PRKAG2: variants seen among roughly 807,000 people sequenced by gnomAD.
PRKAG2 encodes the protein 5'-AMP-activated protein kinase subunit gamma-2.
PRKAG2 carries 26 observed loss-of-function variants against 69.6 expected under a neutral mutation model. The ratio of observed to expected loss-of-function variants is 0.37; its 90% confidence interval spans 0.27 to 0.52. The LOEUF (loss-of-function observed/expected upper bound fraction) is 0.52. PRKAG2 is among the 20% of genes least tolerant of loss of function. The pLI, the probability that PRKAG2 is intolerant of heterozygous loss-of-function variation, is 0.90. For missense variants in PRKAG2, 557 were observed against 740.0 expected (o/e 0.75, Z 2.87); for synonymous variants, 293 against 285.0 (o/e 1.03, Z -0.28).
At chr7:151,813,906 C>T (rs1450724594) in intron 1 of PRKAG2, among the ~76,000 whole-genome samples, 1 of 152,206 alleles carries the variant, frequency 6.6e-6, no homozygotes, top group Non-Finnish European at 1.5e-5. Flanking sequence ...TCCCCAAAGC[C>T]CCCACATCAT....
At position 151,780,622 on chromosome 7, in the gene PRKAG2, C is replaced by A. The variant is rs1413660575; in HGVS notation, c.466+530G>T. 1.3e-5 allele frequency among the ~76,000 whole-genome samples: 2 copies of A among 152,182 alleles called. No homozygotes were observed. Among genetic ancestry groups the A allele is most frequent in the Non-Finnish European group, 2.9e-5 (2 of 68,040 alleles). Reference sequence around the variant, plus strand: ...ACACTCACATTTCCTCCTTCCATTTCCCCAGCAAATCCCTCCTAGCTTCCA... The same window carrying A: ...ACACTCACATTTCCTCCTTCCATTTACCCAGCAAATCCCTCCTAGCTTCCA... On this transcript the variant is annotated intron_variant, in intron 3 of 15. Coordinates refer to ENST00000287878, the MANE Select transcript of PRKAG2 (RefSeq NM_016203.4). This position sits in a 1 kb window ranked among gnomAD's most constrained non-coding sequence, Gnocchi z 4.2.
At chr7:151,751,357 G>A (rs575034400) in intron 3 of PRKAG2, among the ~76,000 whole-genome samples, 34 of 151,694 alleles carry the variant, frequency 2.2e-4, no homozygotes, top group Non-Finnish European at 4.1e-4. Flanking sequence ...CTCGTGATCT[G>A]CCTGCCTCAG....
intron 3 of PRKAG2, among the ~76,000 whole-genome samples, chr7:151,765,710 G>A (rs888792931): frequency 2.6e-5 from 4 of 152,166 alleles, no homozygotes; most frequent in Non-Finnish European, 5.9e-5. Flanking sequence ...GGTCCTGGGG[G>A]TCAGGACTTC....
chr7:151,577,201 T>C (rs549605942), intron 6 of PRKAG2, among the ~76,000 whole-genome samples: 11 of 152,146 alleles, frequency 7.2e-5, no homozygotes, highest in Admixed American at 7.2e-4. Flanking sequence ...TTCCCAAGGT[T>C]GAGGAAAAAA....
At chr7:151,635,752 A>G (rs73480014) in intron 4 of PRKAG2, among the ~76,000 whole-genome samples, 1 of 152,130 alleles carries the variant, frequency 6.6e-6, no homozygotes, top group Non-Finnish European at 1.5e-5. Context: ...TGGTGACCGA[A>G]CTGTTCTACA....
chr7:151,742,902 C>T (rs1184047293), intron 3 of PRKAG2, among the ~76,000 whole-genome samples: 3 of 152,174 alleles, frequency 2.0e-5, no homozygotes, highest in African/African-American at 7.2e-5. Flanking sequence ...TTGGATCCCA[C>T]GATTAGAGAT....
At chr7:151,757,512 C>G (rs75012559) in intron 3 of PRKAG2, among the ~76,000 whole-genome samples, 2,969 of 152,304 alleles carry the variant, frequency 0.019, 54 homozygotes, top group Admixed American at 0.053. Context: ...CAACCACAAA[C>G]AGAGAAAATT....
chr7:151,611,322 A>C (rs576143607), intron 5 of PRKAG2, among the ~76,000 whole-genome samples: 1 of 152,218 alleles, frequency 6.6e-6, no homozygotes, highest in African/African-American at 2.4e-5. Flanking sequence ...TGTCCACAGA[A>C]CCACCTTCGT....
chr7:151,729,166 CAG>C (rs931932948), intron 3 of PRKAG2, among the ~76,000 whole-genome samples: 1 of 72,000 alleles, frequency 1.4e-5, no homozygotes, highest in African/African-American at 5.6e-5. Flanking sequence ...GTGGGGCGGA[CAG>C]GGGGTGGCGG....
At chr7:151,849,608 G>T (rs1235972134) in intron 1 of PRKAG2, among the ~76,000 whole-genome samples, 1 of 152,168 alleles carries the variant, frequency 6.6e-6, no homozygotes, top group Admixed American at 6.5e-5. Flanking sequence ...GGTGGGCAGG[G>T]CCGCGCCCTC....
chr7:151,591,230 C>T (rs1813052789), intron 6 of PRKAG2, among the ~76,000 whole-genome samples: 1 of 152,236 alleles, frequency 6.6e-6, no homozygotes, highest in Non-Finnish European at 1.5e-5. Flanking sequence ...TTTCTCTATA[C>T]CAATCTACAA....
intron 3 of PRKAG2, among the ~76,000 whole-genome samples, chr7:151,715,286 G>T (rs1457745488): frequency 1.7e-5 from 2 of 120,908 alleles, no homozygotes; most frequent in African/African-American, 6.6e-5. Context: ...AAAGTGCTGG[G>T]ATTACCGGCA....
intron 6 of PRKAG2, among the ~76,000 whole-genome samples, chr7:151,585,904 C>T (rs1055212389): frequency 6.6e-6 from 1 of 152,164 alleles, no homozygotes; most frequent in Admixed American, 6.5e-5. Flanking sequence ...GCGCAGGACG[C>T]GTTCCTGAGC....
chr7:151,601,785 G>A (rs557204135), intron 5 of PRKAG2, among the ~76,000 whole-genome samples: 99 of 152,234 alleles, frequency 6.5e-4, no homozygotes, highest in Non-Finnish European at 1.0e-3. Flanking sequence ...TCCACTGTGC[G>A]AGAGGCGGGG....
At position 151,567,177 on chromosome 7, in the gene PRKAG2, G is replaced by C. The variant is rs1285733859; in HGVS notation, c.1234-1292C>G. On this transcript the variant is annotated intron_variant, in intron 11 of 15. Transcript: ENST00000287878. The surrounding 1 kb of genome is among the most constrained non-coding windows in gnomAD (Gnocchi z 4.2). ...GACTGGGGGCACGTTTCCCAGCCAGGTGTCCTGTGTATGCAAGGTATGCAA... is the reference window on the plus strand; with the variant it reads ...GACTGGGGGCACGTTTCCCAGCCAGCTGTCCTGTGTATGCAAGGTATGCAA... 6.6e-6 allele frequency among the ~76,000 whole-genome samples: 1 copy of C among 152,150 alleles called. No individual in the cohort carries two copies. Among genetic ancestry groups the C allele is most frequent in the Non-Finnish European group, 1.5e-5 (1 of 68,026 alleles).
chr7:151,621,411 A>C (rs1312470154), intron 5 of PRKAG2, among the ~76,000 whole-genome samples: 1 of 152,178 alleles, frequency 6.6e-6, no homozygotes, highest in Admixed American at 6.5e-5. Context: ...GGCTGGGTGC[A>C]ATAGCTCACG....
intron 1 of PRKAG2, among the ~76,000 whole-genome samples, chr7:151,824,165 A>T (rs1325052077): frequency 2.0e-5 from 3 of 152,230 alleles, no homozygotes; most frequent in East Asian, 1.9e-4. Context: ...TCAGGGACTC[A>T]AGGGCATGCC....
chr7:151,775,831 AC>A (rs2076314817), intron 3 of PRKAG2, among the ~76,000 whole-genome samples: 1 of 151,792 alleles, frequency 6.6e-6, no homozygotes, highest in Non-Finnish European at 1.5e-5. Context: ...TCTTCCCAAG[AC>A]CCTCCAGATG....
intron 4 of PRKAG2, among the ~76,000 whole-genome samples, chr7:151,648,189 C>G (rs1265092711): frequency 6.6e-6 from 1 of 152,090 alleles, no homozygotes; most frequent in Non-Finnish European, 1.5e-5. Context: ...CTATGCCTCC[C>G]AAACTTTGGA....
Sources: allele counts gnomAD v4.1 joint callset (sites outside exome capture counted in the v4.1 genomes callset), GRCh38; gene constraint gnomAD v4.1.1; non-coding constraint Gnocchi (gnomAD v3.1); transcripts MANE v1.5; gene names NCBI Gene and HGNC (gene_info 2026-07-23, HGNC 2026-07-21).